The following PTPRD variants were observed in gnomAD, a reference collection of about 807,000 sequenced individuals.
The protein encoded by PTPRD is receptor-type tyrosine-protein phosphatase delta.
Under a neutral mutation model 214.5 loss-of-function variants are expected in PTPRD, and 34 were observed. The ratio of observed to expected loss-of-function variants is 0.16; its 90% confidence interval spans 0.12 to 0.21. The LOEUF is 0.21. Ranked by LOEUF, PTPRD falls within the 10% of genes least tolerant of loss-of-function variation. The probability of loss-of-function intolerance (pLI) is 1.00; values close to 1 mark genes in which losing one functional copy is unlikely to be tolerated. For synonymous variants in PTPRD, 1,128 were observed against 845.7 expected (o/e 1.33, Z -5.79); for missense variants, 2,545 against 2,398.7 (o/e 1.06, Z -1.27).
At chr9:10,024,028 T>C (rs977424360) in intron 4 of PTPRD, among the ~76,000 whole-genome samples, 36 of 152,170 alleles carry the variant, frequency 2.4e-4, no homozygotes, top group Non-Finnish European at 1.5e-4. Context: ...GTACTTTCTA[T>C]ATTTTTATAT....
intron 8 of PTPRD, among the ~76,000 whole-genome samples, chr9:9,437,983 C>T (rs894620579): frequency 2.6e-5 from 4 of 152,100 alleles, no homozygotes; most frequent in African/African-American, 7.2e-5. Flanking sequence ...TGGTTCCTTG[C>T]GAGGCCTGTG....
intron 9 of PTPRD, among the ~76,000 whole-genome samples, chr9:9,335,712 C>T (rs967984762): frequency 3.9e-5 from 6 of 151,974 alleles, no homozygotes; most frequent in Non-Finnish European, 5.9e-5. Context: ...TCACTTTTGG[C>T]CCAAGAAGCA....
intron 9 of PTPRD, among the ~76,000 whole-genome samples, chr9:9,394,356 C>T (rs984034884): frequency 3.9e-5 from 6 of 152,098 alleles, no homozygotes; most frequent in Non-Finnish European, 8.8e-5. Flanking sequence ...GTGCTCTATT[C>T]CTAGTGCCTT....
At chr9:9,801,917 A>G (rs1247761293) in intron 5 of PTPRD, among the ~76,000 whole-genome samples, 2 of 152,100 alleles carry the variant, frequency 1.3e-5, no homozygotes, top group African/African-American at 2.4e-5. Context: ...TACTATAATG[A>G]TAACAAATAA....
In PTPRD at chr9:9,939,623, C is replaced by T. The variant is rs531425808; in HGVS notation, c.-471-1013G>A. Among the ~76,000 whole-genome samples the T allele has an allele frequency of 7.2e-5, 11 of 152,266 alleles. No individual in the cohort carries two copies. The South Asian group carries it at 2.3e-3, about 32-fold the overall frequency. ...TGTTGTACCTACTTGGTATTAATTG[C>T]TTGCTTGGATCATCACCTGATGCCT... is the stretch of plus-strand genomic sequence containing the variant. On this transcript the variant is annotated intron_variant, in intron 4 of 45. Coordinates refer to ENST00000381196, the MANE Select transcript of PTPRD (RefSeq NM_002839.4).
intron 9 of PTPRD, among the ~76,000 whole-genome samples, chr9:9,344,157 T>A (rs761898733): frequency 6.6e-6 from 1 of 152,104 alleles, no homozygotes; most frequent in Non-Finnish European, 1.5e-5. Context: ...TAACTCATCT[T>A]TTTGTTCAAG....
chr9:10,487,048 T>A (rs893883858), intron 2 of PTPRD, among the ~76,000 whole-genome samples: 4 of 152,186 alleles, frequency 2.6e-5, no homozygotes, highest in Non-Finnish European at 4.4e-5. Context: ...TTATTTATCA[T>A]TATATACTGG....
chr9:10,511,007 T>C (rs1393238939), intron 2 of PTPRD, among the ~76,000 whole-genome samples: 5 of 151,912 alleles, frequency 3.3e-5, no homozygotes, highest in African/African-American at 1.2e-4. Flanking sequence ...TCCACTTCCA[T>C]CCATGTTATT....
intron 2 of PTPRD, among the ~76,000 whole-genome samples, chr9:10,537,959 C>T (rs1376098646): frequency 1.3e-5 from 2 of 152,064 alleles, no homozygotes; most frequent in South Asian, 2.1e-4. Context: ...GATGACACCT[C>T]GCAATCTGTG....
intron 2 of PTPRD, among the ~76,000 whole-genome samples, chr9:10,384,181 G>A (rs12341559): frequency 5.9e-5 from 9 of 151,628 alleles, no homozygotes; most frequent in Admixed American, 2.0e-4. Flanking sequence ...GAGTATAATT[G>A]GATTGTTTGT....
At chr9:9,717,358 T>G (rs985508869) in intron 7 of PTPRD, among the ~76,000 whole-genome samples, 7 of 152,228 alleles carry the variant, frequency 4.6e-5, no homozygotes, top group African/African-American at 1.7e-4. Context: ...CCATATGAAC[T>G]TTAAAGTAGT....
chr9:9,029,415 T>A (rs2099597530), intron 10 of PTPRD, among the ~76,000 whole-genome samples: 1 of 151,732 alleles, frequency 6.6e-6, no homozygotes, highest in East Asian at 1.9e-4. Flanking sequence ...ACACATGAGG[T>A]GACAAGGGCT....
chr9:9,438,710 A>C (rs1225405971), intron 8 of PTPRD, among the ~76,000 whole-genome samples: 1 of 152,198 alleles, frequency 6.6e-6, no homozygotes, highest in African/African-American at 2.4e-5. Flanking sequence ...CATTATCTTT[A>C]CAGTTCTTCC....
intron 39 of PTPRD, among the ~76,000 whole-genome samples, chr9:8,361,040 T>C (rs545315081): frequency 1.2e-4 from 19 of 152,354 alleles, no homozygotes; most frequent in African/African-American, 3.8e-4. Context: ...TCTGTTTCTG[T>C]AGATTTTCTC....
chr9:10,489,668 C>T (rs1464652298), intron 2 of PTPRD, among the ~76,000 whole-genome samples: 1 of 152,132 alleles, frequency 6.6e-6, no homozygotes. Context: ...TGCAGATCCT[C>T]AAGTTCGGAC....
chr9:9,947,579 A>G (rs1213497987), intron 4 of PTPRD, among the ~76,000 whole-genome samples: 1 of 43,654 alleles, frequency 2.3e-5, no homozygotes, highest in Non-Finnish European at 3.6e-5. Context: ...TATATATTAT[A>G]TATATATTAT....
At chr9:10,532,779 T>A (rs1028509971) in intron 2 of PTPRD, among the ~76,000 whole-genome samples, 1 of 151,978 alleles carries the variant, frequency 6.6e-6, no homozygotes, top group Non-Finnish European at 1.5e-5. Flanking sequence ...TAAGGACTCT[T>A]AGAATAAAAT....
intron 11 of PTPRD, among the ~76,000 whole-genome samples, chr9:8,871,972 C>A (rs2098308475): frequency 1.3e-5 from 2 of 152,076 alleles, no homozygotes; most frequent in African/African-American, 4.8e-5. Flanking sequence ...CCTCTGCAAG[C>A]CAGCAGCCTG....
chr9:10,111,599 A>G (rs1388015993), intron 3 of PTPRD, among the ~76,000 whole-genome samples: 3 of 152,156 alleles, frequency 2.0e-5, no homozygotes, highest in Non-Finnish European at 2.9e-5. Context: ...TGGCCACTTC[A>G]GTGACTCCTC....
Sources: gnomAD v4.1 joint callset for allele counts (sites outside exome capture counted in the v4.1 genomes callset) on GRCh38, gnomAD v4.1.1 for gene constraint, MANE v1.5 for transcripts, NCBI Gene and HGNC (gene_info 2026-07-23, HGNC 2026-07-21) for gene names.